The following STXBP5L variants were observed in gnomAD, a reference collection of about 807,000 sequenced individuals.
STXBP5L encodes syntaxin binding protein 5L.
STXBP5L carries 65 observed loss-of-function variants against 144.5 expected under a neutral mutation model. The ratio of observed to expected loss-of-function variants is 0.45; its 90% CI spans 0.37 to 0.55. The LOEUF is 0.55. Among genes scored for constraint, STXBP5L ranks in the 20% least tolerant of loss-of-function variants. The pLI, the probability that STXBP5L is intolerant of heterozygous loss-of-function variation, is 0.00. For synonymous variants in STXBP5L, 505 were observed against 469.6 expected, an observed-to-expected ratio of 1.08 and a Z score of -0.97; for missense variants, 1,298 against 1,405.5, an observed-to-expected ratio of 0.92 and a Z score of 1.22.
At chr3:121,394,334 T>A (rs1158879808) in intron 22 of STXBP5L, among the ~76,000 whole-genome samples, 1 of 152,130 alleles carries the variant, frequency 6.6e-6, no homozygotes, top group East Asian at 1.9e-4. Context: ...GTCTTTAGGG[T>A]TTTCTAGTTA....
chr3:121,352,673 T>G (rs1260582152), intron 20 of STXBP5L, among the ~76,000 whole-genome samples: 1 of 152,110 alleles, frequency 6.6e-6, no homozygotes, highest in Non-Finnish European at 1.5e-5. Context: ...TACCCTTTAT[T>G]TCTTTCTCTT....
rs146860054 is a variant in STXBP5L at position 121,020,413 on chromosome 3, C to T, written c.288-21287C>T. 6.6e-5 allele frequency among the ~76,000 whole-genome samples: 10 copies of T among 152,250 alleles called. No homozygotes were observed. In the East Asian group the frequency reaches 1.7e-3, roughly 26 times the overall value. On this transcript the variant is annotated intron_variant, in intron 3 of 26. Transcript: ENST00000471454. ...ATCCAAATACGAGAAGCTCAAAGAA[C>T]ACCTGGGAAATTTATTGCAAAAAGA... is the stretch of plus-strand genomic sequence containing the variant.
intron 9 of STXBP5L, among the ~76,000 whole-genome samples, chr3:121,200,445 AT>A (rs1180292505): frequency 6.6e-6 from 1 of 152,100 alleles, no homozygotes; most frequent in Non-Finnish European, 1.5e-5. Context: ...GGATTCATTG[AT>A]TTTTTGAAGA....
intron 3 of STXBP5L, among the ~76,000 whole-genome samples, chr3:121,029,667 C>T (rs1013561824): frequency 5.3e-5 from 8 of 151,966 alleles, no homozygotes; most frequent in African/African-American, 1.9e-4. Context: ...CAACAAAAGG[C>T]AAAATTGACA....
intron 6 of STXBP5L, among the ~76,000 whole-genome samples, chr3:121,116,285 T>C: frequency 6.6e-6 from 1 of 152,242 alleles, no homozygotes; most frequent in South Asian, 2.1e-4. Context: ...AAACACCCTA[T>C]TTTTGTGAAG....
At chr3:120,911,015 G>T (rs1413872192) in intron 2 of STXBP5L, among the ~76,000 whole-genome samples, 1 of 152,096 alleles carries the variant, frequency 6.6e-6, no homozygotes, top group East Asian at 1.9e-4. Flanking sequence ...AATTTGAACT[G>T]CTAGGCAGGG....
chr3:121,009,018 A>T (rs1292676303), intron 3 of STXBP5L, among the ~76,000 whole-genome samples: 1 of 151,652 alleles, frequency 6.6e-6, no homozygotes, highest in Admixed American at 6.6e-5. Flanking sequence ...GACTGGTTGG[A>T]TATGCAGTAG....
At chr3:121,403,023 A>T (rs2046918594) in intron 22 of STXBP5L, among the ~76,000 whole-genome samples, 1 of 152,018 alleles carries the variant, frequency 6.6e-6, no homozygotes, top group Non-Finnish European at 1.5e-5. Context: ...AGTCTCTTTA[A>T]ATCTCCAAAA....
At chr3:121,187,071 C>A (rs571513644) in intron 9 of STXBP5L, among the ~76,000 whole-genome samples, 4 of 152,072 alleles carry the variant, frequency 2.6e-5, no homozygotes, top group Admixed American at 6.5e-5. Flanking sequence ...TGGGTATATA[C>A]CCAAAGGATA....
intron 19 of STXBP5L, among the ~76,000 whole-genome samples, chr3:121,299,543 T>C (rs546646319): frequency 1.3e-5 from 2 of 152,164 alleles, no homozygotes; most frequent in South Asian, 4.1e-4. Flanking sequence ...TACACGTCAC[T>C]AGAAATGATC....
chr3:121,376,050 C>T lies in STXBP5L; in HGVS notation c.2177-2666C>T, dbSNP rs149791309. The stretch of plus-strand genomic sequence containing the variant: ...AAATAAACAGTACTCTTATCTTGGA[C>T]GTGAGTAGTTTTATACTCTGGAACA... On this transcript the variant is annotated intron_variant, in intron 20 of 26. Transcript: ENST00000471454. Among the ~76,000 whole-genome samples, 60 of 152,284 alleles carry T rather than the reference C, an allele frequency of 3.9e-4. 2 individuals carry two copies. In the East Asian group the frequency reaches 0.011, roughly 27 times the overall value.
At chr3:121,021,870 ACAAAC>A (rs780250750) in intron 3 of STXBP5L, among the ~76,000 whole-genome samples, 2 of 152,098 alleles carry the variant, frequency 1.3e-5, no homozygotes, top group Non-Finnish European at 2.9e-5. Flanking sequence ...AGAAACAAGA[ACAAAC>A]CAAACCAAAC....
chr3:121,061,604 A>T (rs1348849929), intron 5 of STXBP5L, among the ~76,000 whole-genome samples: 4 of 152,164 alleles, frequency 2.6e-5, no homozygotes, highest in African/African-American at 4.8e-5. Flanking sequence ...TGGGAGTCTA[A>T]TTCTCTTTGT....
intron 20 of STXBP5L, among the ~76,000 whole-genome samples, chr3:121,330,296 A>G (rs550630494): frequency 6.6e-6 from 1 of 152,018 alleles, no homozygotes; most frequent in East Asian, 1.9e-4. Flanking sequence ...GCTGCCTGCT[A>G]CTCCCCACTG....
Position 121,259,024 on chromosome 3 carries a change from A to G in STXBP5L, c.1833-19A>G. On this transcript the variant is annotated intron_variant, in intron 17 of 26. Transcript: ENST00000471454. Reference sequence around the variant, plus strand: ...GTTTATTTAAGCTGTATATAATAGGATTGTTTTTGTTCTTAAAGTGTGAAG... The same window carrying G: ...GTTTATTTAAGCTGTATATAATAGGGTTGTTTTTGTTCTTAAAGTGTGAAG... 1 of 1,585,376 alleles carries G rather than the reference A, an allele frequency of 6.3e-7. No individual in the cohort carries two copies. Among genetic ancestry groups the G allele is most frequent in the Non-Finnish European group, 8.6e-7 (1 of 1,165,154 alleles).
chr3:120,975,165 C>T (rs1056897966), intron 3 of STXBP5L, among the ~76,000 whole-genome samples: 15 of 152,180 alleles, frequency 9.9e-5, no homozygotes, highest in Admixed American at 2.0e-4. Flanking sequence ...TTGCTTCTTC[C>T]TACTCATGAG....
At chr3:121,203,827 GAC>G (rs1164995489) in intron 9 of STXBP5L, among the ~76,000 whole-genome samples, 2 of 152,176 alleles carry the variant, frequency 1.3e-5, no homozygotes, top group African/African-American at 4.8e-5. Context: ...GGATGGAAAA[GAC>G]ATATAAACTA....
intron 5 of STXBP5L, among the ~76,000 whole-genome samples, chr3:121,088,418 C>G (rs1238795600): frequency 8.7e-6 from 1 of 114,880 alleles, no homozygotes; most frequent in Non-Finnish European, 1.8e-5. Flanking sequence ...GTTAGAATGG[C>G]AATCATTAAA....
intron 19 of STXBP5L, among the ~76,000 whole-genome samples, chr3:121,299,860 G>T (rs1476956556): frequency 6.6e-6 from 1 of 151,534 alleles, no homozygotes; most frequent in African/African-American, 2.4e-5. Context: ...ATGCAGCTGT[G>T]GTCCCAGCTA....
Sources: allele counts gnomAD v4.1 joint callset (sites outside exome capture counted in the v4.1 genomes callset), GRCh38; gene constraint gnomAD v4.1.1; transcripts MANE v1.5; gene names NCBI Gene and HGNC (gene_info 2026-07-23, HGNC 2026-07-21).